Variants in PDXDC1 observed in about 807,000 individuals in gnomAD.
The protein encoded by PDXDC1 is pyridoxal-dependent decarboxylase domain-containing protein 1.
Under a neutral mutation model 100.1 loss-of-function variants are expected in PDXDC1, and 42 were observed. The observed-to-expected ratio is 0.42, with a 90% CI of 0.33 to 0.54. The LOEUF (loss-of-function observed/expected upper bound fraction) is 0.54. PDXDC1 is among the 20% of genes least tolerant of loss of function. PDXDC1 has a pLI of 0.10. For synonymous variants in PDXDC1, 260 were observed against 371.7 expected, an observed-to-expected ratio of 0.70 and a Z score of 3.46; for missense variants, 636 against 979.2, an observed-to-expected ratio of 0.65 and a Z score of 4.68.
intron 14 of PDXDC1, among the ~76,000 whole-genome samples, chr16:15,028,240 G>A (rs566932922): frequency 4.5e-4 from 68 of 152,372 alleles, no homozygotes; most frequent in Admixed American, 2.7e-3. Context: ...AACACTCGGC[G>A]TTCCCTCTGT....
intron 3 of PDXDC1, among the ~76,000 whole-genome samples, chr16:15,000,384 T>C (rs969160791): frequency 1.3e-5 from 2 of 152,294 alleles, no homozygotes; most frequent in African/African-American, 2.4e-5. Flanking sequence ...CTCGAGGTCA[T>C]GTGGCAGGCA....
chr16:15,070,171 C>T, intron 16 of PDXDC1: 1 of 1,609,746 alleles, frequency 6.2e-7, no homozygotes, highest in Non-Finnish European at 8.5e-7. Flanking sequence ...AGCAACATCG[C>T]AGAATGCCTT....
chr16:15,055,375 C>G lies in PDXDC1; in HGVS notation c.1399+25319C>G, dbSNP rs143760059. Among the ~76,000 whole-genome samples the G allele has an allele frequency of 9.0e-3, 1,365 of 152,328 alleles. 24 individuals are homozygous for G. Among genetic ancestry groups the G allele is most frequent in the African/African-American group, 0.031 (1,301 of 41,580 alleles). On this transcript the variant is annotated intron_variant, in intron 16 of 16. Transcript: ENST00000535621. ...GCTAAAAATAACTCGGCGCCCTACGCCCCGGGGGTAGGGGAGAGAGAGGAG... is the reference window on the plus strand; with the variant it reads ...GCTAAAAATAACTCGGCGCCCTACGGCCCGGGGGTAGGGGAGAGAGAGGAG...
At chr16:15,092,178 CAAAT>C (rs1401542789) in intron 16 of PDXDC1, among the ~76,000 whole-genome samples, 4 of 152,002 alleles carry the variant, frequency 2.6e-5, no homozygotes, top group South Asian at 2.1e-4. Context: ...GACTCCAGCA[CAAAT>C]AAATAAATAA....
chr16:15,058,859 T>G (rs1369179390), intron 16 of PDXDC1, among the ~76,000 whole-genome samples: 1 of 152,184 alleles, frequency 6.6e-6, no homozygotes, highest in Non-Finnish European at 1.5e-5. Flanking sequence ...GATCTCAAAC[T>G]CCTGGCTTCA....
At chr16:15,086,014 G>C in intron 16 of PDXDC1, 1 of 720,082 alleles carries the variant, frequency 1.4e-6, no homozygotes. Context: ...TACCAGACCT[G>C]GTGCCAATAT....
intron 16 of PDXDC1, chr16:15,061,991 G>T: frequency 7.6e-7 from 1 of 1,319,350 alleles, no homozygotes; most frequent in Non-Finnish European, 1.1e-6. Context: ...AGGTGTTAAC[G>T]TTTGTAAAGA....
At position 15,094,379 on chromosome 16, in the gene PDXDC1, C is replaced by A. The variant is rs1373993798; in HGVS notation, c.1400-44500C>A. 8 of 726,930 alleles carry A rather than the reference C, an allele frequency of 1.1e-5. No homozygotes were observed. In the Admixed American group the frequency reaches 2.2e-4, roughly 20 times the overall value. The allele number at this position is 726,930 out of a possible 1,614,324, so 45.0% of individuals were successfully genotyped here. ...GGGGAGGGCGTATGCTCTCGGCGGG[C>A]TAGAGCGCCGCTGAAACCCGCTCCT... On this transcript the variant is annotated intron_variant, in intron 16 of 16. Transcript: ENST00000535621.
chr16:14,994,049 A>T (rs1971453010), intron 1 of PDXDC1, among the ~76,000 whole-genome samples: 1 of 152,414 alleles, frequency 6.6e-6, no homozygotes, highest in Admixed American at 6.5e-5. Context: ...GCCCTTTGTC[A>T]GGTGAGTAGA....
chr16:14,995,092 A>G (rs1209522093), intron 1 of PDXDC1, among the ~76,000 whole-genome samples: 2 of 152,304 alleles, frequency 1.3e-5, no homozygotes, highest in Admixed American at 6.5e-5. Context: ...GCAAACAGGG[A>G]CAATTTGACT....
Position 15,089,530 on chromosome 16 carries a change from G to A in PDXDC1, c.1400-49349G>A, listed in dbSNP as rs569568325. On this transcript the variant is annotated intron_variant, in intron 16 of 16. Transcript: ENST00000535621. ...ATTAAAGGATCACTGGCCGGGCGTG[G>A]TTACTCACGCCTCTAATCCCAGCAC... 2.9e-4 allele frequency among the ~76,000 whole-genome samples: 44 copies of A among 152,222 alleles called. No homozygotes were observed. In the South Asian group the frequency reaches 8.9e-3, roughly 31 times the overall value.
At chr16:15,022,876 G>A in intron 13 of PDXDC1, 122 bp downstream of exon 13, 2 of 811,644 alleles carry the variant, frequency 2.5e-6, no homozygotes, top group Non-Finnish European at 1.9e-6. Context: ...GGCAGCTCCA[G>A]TAAAAAAACA....
intron 16 of PDXDC1, among the ~76,000 whole-genome samples, chr16:15,073,634 T>C (rs1203846166): frequency 6.6e-6 from 1 of 152,190 alleles, no homozygotes; most frequent in Non-Finnish European, 1.5e-5. Context: ...AGCAATTCTA[T>C]CATTCGTGTA....
At chr16:15,130,929 C>T in intron 16 of PDXDC1, 2 of 706,280 alleles carry the variant, frequency 2.8e-6, no homozygotes, top group African/African-American at 1.8e-5. Flanking sequence ...CTGGCACCTG[C>T]TTCTCCGTGG....
intron 1 of PDXDC1, among the ~76,000 whole-genome samples, chr16:14,994,192 G>T (rs12449049): frequency 0.091 from 10,387 of 114,278 alleles, 15 homozygotes; most frequent in Middle Eastern, 0.17. Flanking sequence ...GCTTTTGGTG[G>T]TTTATACATG....
At chr16:15,043,955 G>T (rs868681954) in intron 16 of PDXDC1, among the ~76,000 whole-genome samples, 1 of 149,428 alleles carries the variant, frequency 6.7e-6, no homozygotes, top group African/African-American at 2.5e-5. Context: ...CTCAAAAAAA[G>T]AAAAAAAAAG....
chr16:15,062,258 T>C (rs942638316), intron 16 of PDXDC1, among the ~76,000 whole-genome samples: 5 of 152,212 alleles, frequency 3.3e-5, no homozygotes, highest in Admixed American at 3.3e-4. Flanking sequence ...AAGTCTGACT[T>C]GCAAACAGAT....
rs180781177 is a variant in PDXDC1, at chr16:15,059,714, A to T, written c.1399+29658A>T. The stretch of plus-strand genomic sequence containing the variant: ...AATTCCCATTGTTGGCATGTAATTT[A>T]TAAGGAGATTTCACAGTATTTTTCC... On this transcript the variant is annotated intron_variant, in intron 16 of 16. Transcript: ENST00000535621. 3.2e-4 allele frequency among the ~76,000 whole-genome samples: 48 copies of T among 152,352 alleles called. No homozygotes were observed. The East Asian group carries it at 9.3e-3, about 29-fold the overall frequency.
intron 8 of PDXDC1, among the ~76,000 whole-genome samples, chr16:15,013,151 C>T (rs941782407): frequency 1.3e-5 from 2 of 152,206 alleles, no homozygotes; most frequent in Non-Finnish European, 2.9e-5. Context: ...GCCTTGGTGA[C>T]AGAGTGAGAC....
Sources: gnomAD v4.1 joint callset for allele counts (sites outside exome capture counted in the v4.1 genomes callset) on GRCh38, gnomAD v4.1.1 for gene constraint, MANE v1.5 for transcripts, NCBI Gene and HGNC (gene_info 2026-07-23, HGNC 2026-07-21) for gene names.